The following SPAG16 variants were observed in gnomAD, a reference collection of about 807,000 sequenced individuals.
SPAG16 encodes sperm-associated antigen 16 protein.
A neutral mutation model predicts 80.4 loss-of-function variants in SPAG16; 86 were observed. That is an observed-to-expected ratio of 1.07 (90% CI 0.90 to 1.28). SPAG16 has a LOEUF of 1.28. SPAG16 is among the 50% of genes most tolerant of loss of function. The pLI is 0.00. For synonymous variants in SPAG16, 294 were observed against 265.9 expected, an observed-to-expected ratio of 1.11 and a Z score of -1.03; for missense variants, 870 against 765.3, an observed-to-expected ratio of 1.14 and a Z score of -1.61.
intron 9 of SPAG16, among the ~76,000 whole-genome samples, chr2:213,452,777 T>G (rs1247104257): frequency 6.6e-6 from 1 of 152,234 alleles, no homozygotes; most frequent in Non-Finnish European, 1.5e-5. Flanking sequence ...TGGCCTCTCC[T>G]GAGGCTGGGC....
At chr2:213,857,081 C>T (rs2372263) in intron 10 of SPAG16, among the ~76,000 whole-genome samples, 52,229 of 151,800 alleles carry the variant, frequency 0.34, 9,428 homozygotes, top group South Asian at 0.47. Context: ...AATACAAAAA[C>T]TAGCCAGGCA....
intron 10 of SPAG16, among the ~76,000 whole-genome samples, chr2:213,547,058 T>G (rs1165887163): frequency 6.6e-6 from 1 of 152,126 alleles, no homozygotes; most frequent in Non-Finnish European, 1.5e-5. Context: ...AATAATGTAT[T>G]TTATTGTGGA....
chr2:213,974,517 A>G (rs2045255252), intron 12 of SPAG16, among the ~76,000 whole-genome samples: 1 of 152,054 alleles, frequency 6.6e-6, no homozygotes, highest in South Asian at 2.1e-4. Context: ...GTATGTTTCA[A>G]TGAAATATGA....
intron 10 of SPAG16, among the ~76,000 whole-genome samples, chr2:213,789,871 C>T (rs752990829): frequency 1.3e-5 from 2 of 151,740 alleles, no homozygotes; most frequent in Non-Finnish European, 3.0e-5. Flanking sequence ...TTTGTAAATC[C>T]CTAATTTCTC....
chr2:214,064,296 A>G (rs1177421201), intron 13 of SPAG16, among the ~76,000 whole-genome samples: 2 of 152,116 alleles, frequency 1.3e-5, no homozygotes, highest in Admixed American at 1.3e-4. Context: ...ATATATATTT[A>G]GCTTTTTAAA....
chr2:213,760,637 A>G lies in SPAG16; in HGVS notation c.1071-101848A>G, dbSNP rs1575062018. On this transcript the variant is annotated intron_variant, in intron 10 of 15. Transcript: ENST00000331683. ...CATGGTACATTTTCCAAAATAGACTATATGTTACTTCATAAATTAAGTCTC... is the reference window on the plus strand; with the variant it reads ...CATGGTACATTTTCCAAAATAGACTGTATGTTACTTCATAAATTAAGTCTC... Among the ~76,000 whole-genome samples the G allele has an allele frequency of 4.6e-5, 7 of 152,292 alleles. No individual in the cohort carries two copies. The South Asian group carries it at 1.2e-3, about 27-fold the overall frequency.
intron 15 of SPAG16, among the ~76,000 whole-genome samples, 172 bp from the exon 16 acceptor site, chr2:214,409,968 T>A (rs1339590060): frequency 1.3e-5 from 2 of 152,222 alleles, no homozygotes; most frequent in Non-Finnish European, 1.5e-5. Context: ...TGTGTCTTAA[T>A]TTTGACTCAA....
At position 213,933,688 on chromosome 2, in the gene SPAG16, C is replaced by T. The variant is rs4146001; in HGVS notation, c.1400+3543C>T. Among the ~76,000 whole-genome samples, 321 of 152,332 alleles carry T rather than the reference C, an allele frequency of 2.1e-3. 4 individuals carry two copies. In the East Asian group the frequency reaches 0.038, roughly 18 times the overall value. On this transcript the variant is annotated intron_variant, in intron 12 of 15. Coordinates refer to ENST00000331683, the MANE Select transcript of SPAG16 (RefSeq NM_024532.5). ...AAACAGAGGGACTTGCAAAATTCAA[C>T]AGCTTCTTGACCCCTAATGTTGGGA...
chr2:213,848,061 G>A (rs2074719813), intron 10 of SPAG16, among the ~76,000 whole-genome samples: 1 of 152,146 alleles, frequency 6.6e-6, no homozygotes, highest in South Asian at 2.1e-4. Context: ...TGGGAATGGT[G>A]CATACCTTTT....
intron 9 of SPAG16, among the ~76,000 whole-genome samples, chr2:213,455,354 C>T (rs537318575): frequency 3.0e-4 from 46 of 152,184 alleles, no homozygotes; most frequent in Non-Finnish European, 4.9e-4. Context: ...TTACCTCCCT[C>T]CCCACCAAAC....
chr2:213,380,810 G>A (rs1398460316), intron 9 of SPAG16, among the ~76,000 whole-genome samples: 1 of 152,188 alleles, frequency 6.6e-6, no homozygotes, highest in African/African-American at 2.4e-5. Flanking sequence ...CAGTGGTAGA[G>A]CAGCTTGCAC....
chr2:213,668,370 C>G (rs1379481959), intron 10 of SPAG16, among the ~76,000 whole-genome samples: 1 of 151,530 alleles, frequency 6.6e-6, no homozygotes, highest in Admixed American at 6.6e-5. Flanking sequence ...AGGACACACA[C>G]TAAATTCTAT....
At chr2:214,381,203 C>T (rs756681391) in intron 15 of SPAG16, among the ~76,000 whole-genome samples, 1 of 152,158 alleles carries the variant, frequency 6.6e-6, no homozygotes, top group South Asian at 2.1e-4. Context: ...ACAAAGCATG[C>T]GCCTTCTCTA....
chr2:214,082,068 T>C (rs1229812560), intron 13 of SPAG16, among the ~76,000 whole-genome samples: 1 of 152,154 alleles, frequency 6.6e-6, no homozygotes, highest in Non-Finnish European at 1.5e-5. Flanking sequence ...TTATGTCTTT[T>C]TGGCACTAAA....
chr2:213,773,067 G>T (rs2069353258), intron 10 of SPAG16, among the ~76,000 whole-genome samples: 1 of 150,922 alleles, frequency 6.6e-6, no homozygotes, highest in African/African-American at 2.4e-5. Context: ...TTATTTTAAA[G>T]TCTTTGATAA....
intron 10 of SPAG16, among the ~76,000 whole-genome samples, chr2:213,754,229 G>A (rs1338248968): frequency 6.6e-6 from 1 of 152,048 alleles, no homozygotes; most frequent in Non-Finnish European, 1.5e-5. Context: ...AGAACAGAAA[G>A]ACAAATTTGA....
intron 15 of SPAG16, among the ~76,000 whole-genome samples, chr2:214,201,034 C>T (rs1356553722): frequency 2.6e-5 from 4 of 152,106 alleles, no homozygotes; most frequent in Non-Finnish European, 5.9e-5. Context: ...TGCCCAGATA[C>T]TAGGAAAAAC....
At chr2:213,921,510 TG>T (rs1350199361) in intron 11 of SPAG16, among the ~76,000 whole-genome samples, 2 of 152,140 alleles carry the variant, frequency 1.3e-5, no homozygotes, top group Non-Finnish European at 2.9e-5. Context: ...GTATTTTAAT[TG>T]GGGGATTAAG....
At chr2:213,517,459 T>C (rs2075475091) in intron 10 of SPAG16, among the ~76,000 whole-genome samples, 1 of 152,118 alleles carries the variant, frequency 6.6e-6, no homozygotes, top group Admixed American at 6.6e-5. Context: ...GAAAAAGCTA[T>C]CCTAAAATTC....
Sources: gnomAD v4.1 joint callset for allele counts (sites outside exome capture counted in the v4.1 genomes callset) on GRCh38, gnomAD v4.1.1 for gene constraint, MANE v1.5 for transcripts, NCBI Gene and HGNC (gene_info 2026-07-23, HGNC 2026-07-21) for gene names.